RERE: variants seen among roughly 807,000 people sequenced by gnomAD.
RERE encodes arginine-glutamic acid dipeptide repeats protein.
In RERE, 40 loss-of-function variants were observed where a neutral mutation model predicts 146.1. That is an observed-to-expected ratio of 0.27 (90% CI 0.21 to 0.36). The LOEUF is 0.36. Ranked by LOEUF, RERE falls within the 10% of genes least tolerant of loss-of-function variation. The probability of loss-of-function intolerance (pLI) is 1.00; values close to 1 mark genes in which losing one functional copy is unlikely to be tolerated. For synonymous variants in RERE, 1,003 were observed against 866.0 expected, an observed-to-expected ratio of 1.16 and a Z score of -2.78; for missense variants, 1,933 against 2,138.7, an observed-to-expected ratio of 0.90 and a Z score of 1.90.
chr1:8,584,919 G>A (rs1005031971), intron 4 of RERE, among the ~76,000 whole-genome samples: 1 of 152,096 alleles, frequency 6.6e-6, no homozygotes, highest in Non-Finnish European at 1.5e-5. Context: ...AGGCCAAGGC[G>A]GGTGGATCAC....
intron 10 of RERE, among the ~76,000 whole-genome samples, chr1:8,476,200 C>T (rs1644754341): frequency 6.6e-6 from 1 of 152,130 alleles, no homozygotes; most frequent in Non-Finnish European, 1.5e-5. Context: ...TTCCACACAC[C>T]TCTCTTCCAC....
intron 4 of RERE, among the ~76,000 whole-genome samples, chr1:8,567,847 T>G (rs537755735): frequency 2.0e-4 from 31 of 152,298 alleles, no homozygotes; most frequent in African/African-American, 7.5e-4. Flanking sequence ...AGAGATAAAC[T>G]GTACGTCAAG....
At chr1:8,401,069 A>ATATATATATATGTATG (rs761609705) in intron 12 of RERE, among the ~76,000 whole-genome samples, 171 of 85,032 alleles carry the variant, frequency 2.0e-3, no homozygotes, top group Non-Finnish European at 3.3e-3. Flanking sequence ...ATATATATAT[A>ATATATATATATGTATG]TATGTCACTT....
At chr1:8,449,268 C>T (rs1450800068) in intron 11 of RERE, among the ~76,000 whole-genome samples, 1 of 152,162 alleles carries the variant, frequency 6.6e-6, no homozygotes, top group Non-Finnish European at 1.5e-5. Context: ...GCCCTCCAGC[C>T]TGTTTGGATA....
At chr1:8,655,518 T>G (rs1168960247) in intron 2 of RERE, among the ~76,000 whole-genome samples, 1 of 152,176 alleles carries the variant, frequency 6.6e-6, no homozygotes, top group Non-Finnish European at 1.5e-5. Context: ...AAGGCCATTT[T>G]TAAAAAGTAC....
intron 1 of RERE, among the ~76,000 whole-genome samples, chr1:8,740,365 G>A (rs979493593): frequency 6.6e-6 from 1 of 152,170 alleles, no homozygotes; most frequent in African/African-American, 2.4e-5. Flanking sequence ...AGTTGCTCTG[G>A]GTGAGTCAGT....
intron 1 of RERE, among the ~76,000 whole-genome samples, chr1:8,670,651 A>G (rs1478088372): frequency 1.3e-5 from 2 of 152,220 alleles, no homozygotes; most frequent in African/African-American, 4.8e-5. Flanking sequence ...AGTGGGGGAA[A>G]GCATTCTGGG....
intron 2 of RERE, among the ~76,000 whole-genome samples, chr1:8,634,652 C>T (rs528643523): frequency 6.6e-6 from 1 of 152,298 alleles, no homozygotes; most frequent in Non-Finnish European, 1.5e-5. Context: ...TCCCTTAAAT[C>T]GTTGTTGTTT....
At chr1:8,457,609 A>G (rs1239381349) in intron 11 of RERE, among the ~76,000 whole-genome samples, 1 of 151,800 alleles carries the variant, frequency 6.6e-6, no homozygotes, top group Non-Finnish European at 1.5e-5. Context: ...ATATTTATTT[A>G]TTTATTTTTT....
intron 4 of RERE, among the ~76,000 whole-genome samples, chr1:8,577,162 C>CAA (rs1044225948): frequency 8.5e-6 from 1 of 117,442 alleles, no homozygotes; most frequent in Non-Finnish European, 1.8e-5. Context: ...GAGAGAGACT[C>CAA]AAAAAAAAAA....
At chr1:8,781,373 C>CA (rs1641162663) in intron 1 of RERE, among the ~76,000 whole-genome samples, 19 of 133,906 alleles carry the variant, frequency 1.4e-4, no homozygotes, top group African/African-American at 4.9e-4. Flanking sequence ...AAAAAAACAA[C>CA]TTTTTTTTAA....
chr1:8,608,308 G>C (rs1416751956), intron 4 of RERE, among the ~76,000 whole-genome samples: 2 of 152,150 alleles, frequency 1.3e-5, no homozygotes, highest in East Asian at 1.9e-4. Flanking sequence ...TTCAAGACCA[G>C]CCTGGGCAAC....
chr1:8,401,897 T>C (rs554568672), intron 12 of RERE, among the ~76,000 whole-genome samples: 1 of 152,244 alleles, frequency 6.6e-6, no homozygotes, highest in South Asian at 2.1e-4. Flanking sequence ...GACAGAGTCT[T>C]GCTCTGTCGC....
At chr1:8,624,771 AAG>A (rs1403122401) in intron 2 of RERE, among the ~76,000 whole-genome samples, 2 of 152,240 alleles carry the variant, frequency 1.3e-5, no homozygotes, top group Non-Finnish European at 2.9e-5. Context: ...GTCTTCGAAA[AAG>A]AGAAACGGCT....
chr1:8,744,661 G>A (rs565169671), intron 1 of RERE, among the ~76,000 whole-genome samples: 6 of 152,228 alleles, frequency 3.9e-5, no homozygotes, highest in East Asian at 1.9e-4. Flanking sequence ...AAACTTTAGC[G>A]ATAAAATAAG....
intron 6 of RERE, among the ~76,000 whole-genome samples, chr1:8,556,109 C>G (rs1409297953): frequency 1.3e-5 from 2 of 152,022 alleles, no homozygotes; most frequent in Non-Finnish European, 2.9e-5. Flanking sequence ...CCTCAGCTTC[C>G]CAAAATGCCA....
chr1:8,683,090 C>A (rs1469634991), intron 1 of RERE, among the ~76,000 whole-genome samples: 1 of 134,766 alleles, frequency 7.4e-6, no homozygotes, highest in Non-Finnish European at 1.6e-5. Flanking sequence ...GTATAATCAT[C>A]AAGCTTCAAA....
chr1:8,396,194 G>A (rs1444625238), intron 12 of RERE, among the ~76,000 whole-genome samples: 1 of 152,120 alleles, frequency 6.6e-6, no homozygotes, highest in Non-Finnish European at 1.5e-5. Flanking sequence ...TGGGAGGGGG[G>A]AAGGGCTGCT....
intron 1 of RERE, among the ~76,000 whole-genome samples, chr1:8,657,323 G>GAAAAAAAAAAAAAAAAAAA: frequency 2.0e-5 from 1 of 50,154 alleles, no homozygotes; most frequent in Non-Finnish European, 4.4e-5. Flanking sequence ...AAAAAAAAAA[G>GAAAAAAAAAAAAAAAAAAA]AAGAAGAAAA....
Sources: gnomAD v4.1 joint callset for allele counts (sites outside exome capture counted in the v4.1 genomes callset) on GRCh38, gnomAD v4.1.1 for gene constraint, MANE v1.5 for transcripts, NCBI Gene and HGNC (gene_info 2026-07-23, HGNC 2026-07-21) for gene names.